The following PTPN22 variants were observed in gnomAD, a reference collection of about 807,000 sequenced individuals.
PTPN22 encodes the protein protein tyrosine phosphatase non-receptor type 22, also known as tyrosine-protein phosphatase non-receptor type 22.
A neutral mutation model predicts 103.3 loss-of-function variants in PTPN22; 85 were observed. The observed-to-expected ratio is 0.82, with a 90% CI of 0.69 to 0.99. PTPN22 has a LOEUF of 0.99. Among genes scored for constraint, PTPN22 ranks in the 50% least tolerant of loss-of-function variants. PTPN22 has a pLI of 0.00. For synonymous variants in PTPN22, 323 were observed against 310.2 expected, an observed-to-expected ratio of 1.04 and a Z score of -0.43; for missense variants, 865 against 936.9, an observed-to-expected ratio of 0.92 and a Z score of 1.00.
chr1:113,842,474 G>C (rs1232925072), intron 11 of PTPN22, among the ~76,000 whole-genome samples: 1 of 151,946 alleles, frequency 6.6e-6, no homozygotes, highest in Non-Finnish European at 1.5e-5. Flanking sequence ...AAGAGATTGA[G>C]ACCATCCTGG....
chr1:113,829,385 T>C (rs975092261), intron 18 of PTPN22, among the ~76,000 whole-genome samples: 1 of 152,168 alleles, frequency 6.6e-6, no homozygotes, highest in Non-Finnish European at 1.5e-5. Context: ...AGGTATTTTT[T>C]CTGGTCCTCT....
chr1:113,837,631 G>T lies in PTPN22; in HGVS notation c.1769C>A (p.Thr590Asn), dbSNP rs375000199. The change falls in exon 13 of 21, where the codon ACC becomes AAC. Residue 590 changes from threonine (T) to asparagine (N), a missense_variant. This residue lies in a region of PTPN22 where 401 missense variants were observed against 388.6 expected (regional missense o/e 1.03). Coordinates refer to ENST00000359785, the Ensembl canonical transcript of PTPN22. ...CTGGTTCAATAGTGAGGAAATATTG[G>T]TTGGAGAATTCAGTGATAAAGAATC... The T allele has an allele frequency of 5.6e-6, 9 of 1,600,592 alleles. No individual in the cohort carries two copies. The African/African-American group carries it at 1.2e-4, about 21-fold the overall frequency.
chr1:113,851,461 G>GT (rs1234583047), intron 10 of PTPN22, among the ~76,000 whole-genome samples: 2 of 151,956 alleles, frequency 1.3e-5, no homozygotes, highest in East Asian at 1.9e-4. Context: ...GCCCAATTAT[G>GT]TTTTTTCTTT....
At chr1:113,836,839 T>C (rs540150233) in intron 13 of PTPN22, among the ~76,000 whole-genome samples, 19 of 151,916 alleles carry the variant, frequency 1.3e-4, no homozygotes, top group Admixed American at 1.1e-3. Flanking sequence ...GGTGGGAGGA[T>C]TGGTTGAGCC....
intron 1 of PTPN22, among the ~76,000 whole-genome samples, chr1:113,869,131 G>T (rs1321121976): frequency 6.6e-6 from 1 of 152,192 alleles, no homozygotes; most frequent in South Asian, 2.1e-4. Flanking sequence ...CAGGAAAATC[G>T]CTTGAACCAG....
intron 1 of PTPN22, among the ~76,000 whole-genome samples, chr1:113,870,668 A>C (rs1407697865): frequency 6.6e-6 from 1 of 152,198 alleles, no homozygotes; most frequent in Non-Finnish European, 1.5e-5. Context: ...AAAGAAGTTA[A>C]GGAAGCCCTG....
intron 1 of PTPN22, among the ~76,000 whole-genome samples, chr1:113,866,831 T>C (rs766296592): frequency 6.6e-5 from 10 of 152,154 alleles, no homozygotes; most frequent in Non-Finnish European, 1.2e-4. Flanking sequence ...CACTACACCC[T>C]CCACCCCCTG....
intron 1 of PTPN22, among the ~76,000 whole-genome samples, chr1:113,863,052 C>T (rs1296648266): frequency 6.6e-6 from 1 of 152,068 alleles, no homozygotes; most frequent in East Asian, 1.9e-4. Flanking sequence ...ACTTTAGATA[C>T]ATAAAATGTG....
intron 19 of PTPN22, among the ~76,000 whole-genome samples, chr1:113,824,553 A>C (rs1182008345): frequency 2.0e-5 from 3 of 152,248 alleles, no homozygotes; most frequent in African/African-American, 4.8e-5. Context: ...AAAAATGGAA[A>C]TGTGTCAATG....
chr1:113,814,742 G>C (rs1352331178), exon 21 of PTPN22: 1 of 605,500 alleles, frequency 1.7e-6, no homozygotes, highest in African/African-American at 1.9e-5. Flanking sequence ...TGCAAAACTG[G>C]CACTTATTGG....
chr1:113,821,466 T>A (rs1232430533), intron 19 of PTPN22, among the ~76,000 whole-genome samples: 1 of 152,044 alleles, frequency 6.6e-6, no homozygotes, highest in South Asian at 2.1e-4. Flanking sequence ...GGACTACAGG[T>A]GCATGCCAAC....
Position 113,824,891 on chromosome 1 carries a change from T to C in PTPN22, c.2281+251A>G, listed in dbSNP as rs150426536. Among the ~76,000 whole-genome samples, 281 of 151,022 alleles carry C rather than the reference T, an allele frequency of 1.9e-3. 11 individuals are homozygous for C. The East Asian group carries it at 0.048, about 26-fold the overall frequency. ...AATTTTTTTAATGCCATTGTACTAA[T>C]TATTATTCTTGTGTATTAAACAGAA... On this transcript the variant is annotated intron_variant, in intron 19 of 20. Coordinates refer to ENST00000359785, the Ensembl canonical transcript of PTPN22.
chr1:113,826,238 G>T (rs892534267), intron 18 of PTPN22, among the ~76,000 whole-genome samples: 1 of 152,048 alleles, frequency 6.6e-6, no homozygotes, highest in Non-Finnish European at 1.5e-5. Context: ...CCAGCCACTC[G>T]AAAGGCTGAT....
intron 19 of PTPN22, among the ~76,000 whole-genome samples, chr1:113,822,273 C>T (rs1184846828): frequency 6.6e-6 from 1 of 152,186 alleles, no homozygotes; most frequent in Non-Finnish European, 1.5e-5. Context: ...CCACTCTTGT[C>T]ACTCTATAAT....
At chr1:113,817,522 C>A (rs960374553) in intron 20 of PTPN22, among the ~76,000 whole-genome samples, 86 of 152,254 alleles carry the variant, frequency 5.6e-4, no homozygotes, top group African/African-American at 2.0e-3. Context: ...ACTGCAGCCT[C>A]AACCTCCTGG....
intron 20 of PTPN22, among the ~76,000 whole-genome samples, chr1:113,815,889 G>C (rs1264362143): frequency 6.6e-6 from 1 of 152,142 alleles, no homozygotes; most frequent in Non-Finnish European, 1.5e-5. Flanking sequence ...CTGTTGGCCA[G>C]GCTGGTCTCA....
rs1397419613 is a variant in PTPN22, at chr1:113,834,505, A to G, written c.1895-66T>C. ...TTCTTTTAGACATCAAATGTTGCTC[A>G]GCAAATAATACATAAAACATTGAAA... On this transcript the variant is annotated intron_variant, in intron 14 of 20. Coordinates refer to ENST00000359785, the Ensembl canonical transcript of PTPN22. 5 of 1,473,088 alleles carry G rather than the reference A, an allele frequency of 3.4e-6. No homozygotes were observed. The South Asian group carries it at 3.5e-5, about 10-fold the overall frequency. The allele number at this position is 1,473,088 out of a possible 1,614,324, so 91.3% of individuals were successfully genotyped here.
At chr1:113,813,872 G>C (rs1660975460) in exon 21 of PTPN22, 1 of 152,304 alleles carries the variant, frequency 6.6e-6, no homozygotes, top group Non-Finnish European at 1.5e-5. Context: ...ACAAGAGACA[G>C]ATAATAATAC....
At chr1:113,857,592 G>T in intron 5 of PTPN22, 146 bp downstream of exon 5, 1 of 653,210 alleles carries the variant, frequency 1.5e-6, no homozygotes. Context: ...AATCCTCTGA[G>T]AATCACGTGG....
Sources: gnomAD v4.1 joint callset for allele counts (sites outside exome capture counted in the v4.1 genomes callset) on GRCh38, gnomAD v4.1.1 for gene constraint, gnomAD v4.1.1 regional missense constraint, MANE v1.5 for transcripts, NCBI Gene and HGNC (gene_info 2026-07-23, HGNC 2026-07-21) for gene names.